Variants in GIPR observed in about 807,000 individuals in gnomAD.
The protein encoded by GIPR is gastric inhibitory polypeptide receptor.
A neutral mutation model predicts 62.2 loss-of-function variants in GIPR; 74 were observed. That is an observed-to-expected ratio of 1.19 (90% CI 0.99 to 1.44). The LOEUF (loss-of-function observed/expected upper bound fraction) is 1.44. Ranked by LOEUF, GIPR falls within the 40% of genes most tolerant of loss-of-function variation. The probability of loss-of-function intolerance (pLI) is 0.00; values close to 1 mark genes in which losing one functional copy is unlikely to be tolerated. For missense variants in GIPR, 664 were observed against 611.8 expected, an observed-to-expected ratio of 1.09 and a Z score of -0.90; for synonymous variants, 256 against 262.2, an observed-to-expected ratio of 0.98 and a Z score of 0.23.
chr19:45,674,601 T>A lies in GIPR; in HGVS notation c.489-81T>A, dbSNP rs1435940017. 38 of 1,330,798 alleles carry A rather than the reference T, an allele frequency of 2.9e-5. No homozygotes were observed. In the East Asian group the frequency reaches 8.3e-4, roughly 29 times the overall value. 82.4% of individuals were successfully genotyped at this position (1,330,798 alleles called of 1,614,324 possible). ...TAGCCTGGGTGACAGAGTGAGACCC[T>A]GTTTAAAAAAAAAAATAGAACTCTG... On this transcript the variant is annotated intron_variant, in intron 6 of 13. Coordinates refer to ENST00000590918, the MANE Select transcript of GIPR (RefSeq NM_000164.4).
At chr19:45,680,754 C>G (rs7250736) in intron 12 of GIPR, among the ~76,000 whole-genome samples, 32,236 of 147,630 alleles carry the variant, frequency 0.22, 3,678 homozygotes, top group East Asian at 0.42. Context: ...TCGCTTGAAC[C>G]TGGGAGGCCA....
rs1967279570 is a variant in GIPR, at chr19:45,682,128, A to G, written c.*193A>G. The G allele has an allele frequency of 3.2e-6, 2 of 628,518 alleles. No homozygotes were observed. Among genetic ancestry groups the G allele is most frequent in the Non-Finnish European group, 5.7e-6 (2 of 350,236 alleles). The allele number at this position is 628,518 out of a possible 1,614,324, so 38.9% of individuals were successfully genotyped here. On this transcript the variant is annotated 3_prime_UTR_variant, in exon 14 of 14. Coordinates refer to ENST00000590918, the MANE Select transcript of GIPR (RefSeq NM_000164.4). ...CATCAAGTTCCACACACGCTATGGA[A>G]TGGTTATGAAGGGAAGCGAGAAGGG...
At position 45,672,182 on chromosome 19, in the gene GIPR, T is replaced by C. The variant is rs1184774792; in HGVS notation, c.281-669T>C. On this transcript the variant is annotated intron_variant, in intron 4 of 13. Transcript: ENST00000590918. ...CGCACGCTAACACACCCAGCTAATT[T>C]TTTTTAAAAAATTGGCAGTGACAGA... Among the ~76,000 whole-genome samples, 5 of 150,892 alleles carry C rather than the reference T, an allele frequency of 3.3e-5. No individual in the cohort carries two copies. In the East Asian group the frequency reaches 9.9e-4, roughly 30 times the overall value.
At chr19:45,679,355 G>A (rs1233560508) in intron 12 of GIPR, among the ~76,000 whole-genome samples, 4 of 151,948 alleles carry the variant, frequency 2.6e-5, no homozygotes, top group Non-Finnish European at 4.4e-5. Flanking sequence ...GGTGGCGGCC[G>A]CCTGTAATCC....
intron 3 of GIPR, 116 bp downstream of exon 3, chr19:45,670,850 G>A (rs895321434): frequency 4.4e-6 from 3 of 681,566 alleles, no homozygotes; most frequent in Admixed American, 2.5e-5. Flanking sequence ...GGGCTGGAGA[G>A]GCCCGGGGAC....
chr19:45,675,549 T>C (rs1303274993), intron 7 of GIPR: 1 of 110,486 alleles, frequency 9.1e-6, no homozygotes, highest in East Asian at 3.0e-4. Context: ...CACTCCAGCC[T>C]GGGTGACAGA....
chr19:45,681,605 G>A lies in GIPR; in HGVS notation c.1154G>A (p.Gly385Asp), dbSNP rs779746611. ...AACCTCCGCGCCTCCTCTGGGCAGG[G>A]CTTCCTGGTCAGCGTCCTCTACTGC... Reference protein sequence around the residue: ...GFEIFLSSFQGFLVSVLYCFI... With the variant: ...GFEIFLSSFQDFLVSVLYCFI... The change falls in exon 13 of 14, where the codon GGC becomes GAC. Residue 385 changes from glycine (G) to aspartate (D), a missense_variant and splice_region_variant. Gly to Asp is a moderately conservative substitution (Grantham distance 94). Transcript: ENST00000590918. 1 of 1,613,814 alleles carries A rather than the reference G, an allele frequency of 6.2e-7. No individual in the cohort carries two copies. Among genetic ancestry groups the A allele is most frequent in the Non-Finnish European group, 8.5e-7 (1 of 1,179,930 alleles).
intron 7 of GIPR, 92 bp downstream of exon 7, chr19:45,674,918 T>G: frequency 8.1e-7 from 1 of 1,227,770 alleles, no homozygotes; most frequent in Admixed American, 1.7e-5. Context: ...TCCTACACTC[T>G]CCACAGTTTA....
chr19:45,674,538 T>TTGAGGCTGCAGTGAGCCCTGATTG, intron 6 of GIPR, 144 bp from the exon 7 acceptor site: 1 of 745,266 alleles, frequency 1.3e-6, no homozygotes, highest in Admixed American at 2.1e-5. Flanking sequence ...GCTCAGGAGG[T>TTGAGGCTGCAGTGAGCCCTGATTG]TGAGGCTGCA....
At position 45,676,948 on chromosome 19, in the gene GIPR, G is replaced by A; in HGVS notation, c.634-1G>A. 1.2e-6 allele frequency: 2 copies of A among 1,613,858 alleles called. No homozygotes were observed. The highest frequency in any genetic ancestry group is 1.7e-6 in the Non-Finnish European group (2 of 1,179,986). ...CCTCTACCGGTCTGGCCCCTCCCTAGGCCCTCGCTGCCTGCCGCACGGCCC... is the reference window on the plus strand; with the variant it reads ...CCTCTACCGGTCTGGCCCCTCCCTAAGCCCTCGCTGCCTGCCGCACGGCCC... On this transcript the variant is annotated splice_acceptor_variant, in intron 7 of 13. Transcript: ENST00000590918. LOFTEE classifies it high-confidence loss of function.
chr19:45,670,744 G>A lies in GIPR; in HGVS notation c.172+10G>A, dbSNP rs1163107659. The A allele has an allele frequency of 1.9e-6, 3 of 1,554,042 alleles. No individual in the cohort carries two copies. Among genetic ancestry groups the A allele is most frequent in the South Asian group, 1.1e-5 (1 of 87,588 alleles). ...GCGGAACCGCCTTCAGGTGTGACCA[G>A]GAGGGCTGGGGACGCGGGGAGGACC... On this transcript the variant is annotated intron_variant, in intron 3 of 13. Coordinates refer to ENST00000590918, the MANE Select transcript of GIPR (RefSeq NM_000164.4).
chr19:45,677,374 A>G lies in GIPR; in HGVS notation c.845A>G (p.Glu282Gly), dbSNP rs1194857545. ...IPWVIVRYLY[E>G]NTQCWERNEV... Reference sequence around the variant, plus strand: ...TGGGTGATCGTCAGGTACCTGTACGAGAACACGCAGTGAGTTGCAGGGTCT... The same window carrying G: ...TGGGTGATCGTCAGGTACCTGTACGGGAACACGCAGTGAGTTGCAGGGTCT... Residue 282 changes from glutamate to glycine, a missense_variant, in exon 9 of 14, where the codon GAG becomes GGG. Coordinates refer to ENST00000590918, the MANE Select transcript of GIPR (RefSeq NM_000164.4). 2 of 1,584,038 alleles carry G rather than the reference A, an allele frequency of 1.3e-6. No individual in the cohort carries two copies. Among genetic ancestry groups the G allele is most frequent in the East Asian group, 2.2e-5 (1 of 44,580 alleles).
In GIPR at chr19:45,677,387, A is replaced by G. The variant is rs1967003116; in HGVS notation, c.854+4A>G. 1 of 1,007,024 alleles carries G rather than the reference A, an allele frequency of 9.9e-7. No homozygotes were observed. Among genetic ancestry groups the G allele is most frequent in the Non-Finnish European group, 1.5e-6 (1 of 680,522 alleles). The allele number at this position is 1,007,024 out of a possible 1,614,324, so 62.4% of individuals were successfully genotyped here. On this transcript the variant is annotated splice_donor_region_variant and intron_variant, in intron 9 of 13. Coordinates refer to ENST00000590918, the MANE Select transcript of GIPR (RefSeq NM_000164.4). ...GGTACCTGTACGAGAACACGCAGTGAGTTGCAGGGTCTGGGGCGGGGCGTG... is the reference window on the plus strand; with the variant it reads ...GGTACCTGTACGAGAACACGCAGTGGGTTGCAGGGTCTGGGGCGGGGCGTG...
intron 8 of GIPR, 29 bp downstream of exon 8, chr19:45,677,137 C>T: frequency 6.2e-7 from 1 of 1,609,784 alleles, no homozygotes; most frequent in Non-Finnish European, 8.5e-7. Flanking sequence ...CCCCGCCCAA[C>T]CCAGCGCGCC....
chr19:45,677,441 G>T, intron 9 of GIPR, 58 bp downstream of exon 9: 1 of 1,227,074 alleles, frequency 8.1e-7, no homozygotes, highest in Non-Finnish European at 1.2e-6. Context: ...GAGGGACTGT[G>T]GCGGGTTGTG....
At chr19:45,677,570 G>T in intron 9 of GIPR, 140 bp from the exon 10 acceptor site, 1 of 856,728 alleles carries the variant, frequency 1.2e-6, no homozygotes, top group Admixed American at 1.7e-5. Context: ...GGAGGGGGTG[G>T]GGCCTGGATC....
chr19:45,676,791 G>C (rs1222462128), intron 7 of GIPR, among the ~76,000 whole-genome samples, 158 bp from the exon 8 acceptor site: 1 of 152,102 alleles, frequency 6.6e-6, no homozygotes, highest in Admixed American at 6.5e-5. Context: ...AAGGGAATAG[G>C]GTGAGAGAAA....
intron 12 of GIPR, 139 bp from the exon 13 acceptor site, chr19:45,681,465 C>A: frequency 1.2e-6 from 1 of 803,144 alleles, no homozygotes. Context: ...ACTGCACTCC[C>A]GCCTGGGCAA....
rs747660028 is a variant in GIPR, at chr19:45,681,695, T to G, written c.1195-34T>G. ...CCCGCCCTCTGGCGGCAGCGCGGGGTACGGCGCCGCCTCTGAGCGCCATCG... is the reference window on the plus strand; with the variant it reads ...CCCGCCCTCTGGCGGCAGCGCGGGGGACGGCGCCGCCTCTGAGCGCCATCG... On this transcript the variant is annotated intron_variant, in intron 13 of 13. Transcript: ENST00000590918. 52 of 1,610,208 alleles carry G rather than the reference T, an allele frequency of 3.2e-5. No individual in the cohort carries two copies. The Admixed American group carries it at 8.7e-4, about 27-fold the overall frequency.
Sources: gnomAD v4.1 joint callset for allele counts (sites outside exome capture counted in the v4.1 genomes callset) on GRCh38, gnomAD v4.1.1 for gene constraint, MANE v1.5 for transcripts, NCBI Gene and HGNC (gene_info 2026-07-23, HGNC 2026-07-21) for gene names.